TBC1D4: variants seen among roughly 807,000 people sequenced by gnomAD.
TBC1D4 encodes the protein TBC1 domain family member 4.
TBC1D4 carries 121 observed loss-of-function variants against 142.5 expected under a neutral mutation model. The observed-to-expected ratio is 0.85, with a 90% CI of 0.73 to 0.99. TBC1D4 has a LOEUF of 0.99. Among genes scored for constraint, TBC1D4 ranks in the 50% least tolerant of loss-of-function variants. The pLI is 0.00. For missense variants in TBC1D4, 1,475 were observed against 1,606.6 expected (o/e 0.92, Z 1.40); for synonymous variants, 630 against 628.2 (o/e 1.00, Z -0.04).
At chr13:75,301,733 T>A (rs1876579066) in intron 16 of TBC1D4, among the ~76,000 whole-genome samples, 1 of 152,146 alleles carries the variant, frequency 6.6e-6, no homozygotes, top group South Asian at 2.1e-4. Flanking sequence ...TTAGTGCAAC[T>A]AATGTTTCAC....
At chr13:75,398,399 GA>G (rs969516652) in intron 1 of TBC1D4, among the ~76,000 whole-genome samples, 25 of 152,320 alleles carry the variant, frequency 1.6e-4, no homozygotes, top group Admixed American at 1.3e-3. Flanking sequence ...TAGTGGGTCT[GA>G]AAGTGGGAGC....
chr13:75,385,526 C>T (rs1884115099), intron 1 of TBC1D4, among the ~76,000 whole-genome samples: 1 of 152,172 alleles, frequency 6.6e-6, no homozygotes, highest in Non-Finnish European at 1.5e-5. Flanking sequence ...TAAAAAGAGA[C>T]GCTGATAACA....
Position 75,362,493 on chromosome 13 carries a change from G to C in TBC1D4, c.613C>G (p.Leu205Val). Residue 205 changes from leucine (L) to valine (V), a missense_variant, in exon 2 of 21, where the codon CTG becomes GTG. Leu to Val is a conservative substitution (Grantham distance 32). This residue lies in a region of TBC1D4 where 1,227 missense variants were observed against 1,267.7 expected (regional missense o/e 0.97). Coordinates refer to ENST00000377636, the MANE Select transcript of TBC1D4 (RefSeq NM_014832.5). This position sits in a 1 kb window ranked among gnomAD's most constrained non-coding sequence, Gnocchi z 4.2. ...GTCACGGTCACCTTTCCACAGTACA[G>C]GACTTCGAACTTCTGAGAGTTGTAA... ...AFYNSQKFEV[L>V]YCGKVTVTHK... The C allele has an allele frequency of 6.2e-7, 1 of 1,614,212 alleles. No individual in the cohort carries two copies. Among genetic ancestry groups the C allele is most frequent in the Non-Finnish European group, 8.5e-7 (1 of 1,180,048 alleles).
At chr13:75,348,335 T>A (rs766225434) in intron 5 of TBC1D4, among the ~76,000 whole-genome samples, 1 of 152,224 alleles carries the variant, frequency 6.6e-6, no homozygotes, top group African/African-American at 2.4e-5. Flanking sequence ...ACTCTTCCCA[T>A]CTATTATAAC....
intron 1 of TBC1D4, among the ~76,000 whole-genome samples, chr13:75,382,956 G>T (rs543941466): frequency 1.3e-5 from 2 of 152,224 alleles, no homozygotes; most frequent in South Asian, 2.1e-4. Flanking sequence ...TATTTTAATT[G>T]GACAGCACTG....
chr13:75,459,537 G>C (rs1887877304), intron 1 of TBC1D4, among the ~76,000 whole-genome samples: 2 of 152,102 alleles, frequency 1.3e-5, no homozygotes, highest in Admixed American at 6.6e-5. Flanking sequence ...TAGCAGTTCA[G>C]TTTTAGTAGA....
rs1887411256 is a variant in TBC1D4 at position 75,448,913 on chromosome 13, GA to G, written c.498+32356del. ...GAAACCAGTCTTTGAAATTATAGCAGATTATGTGAAATTTTATAAAAGCTGC... is the reference window on the plus strand; with the variant it reads ...GAAACCAGTCTTTGAAATTATAGCAGTTATGTGAAATTTTATAAAAGCTGC... On this transcript the variant is annotated intron_variant, in intron 1 of 20. Coordinates refer to ENST00000377636, the MANE Select transcript of TBC1D4 (RefSeq NM_014832.5). Among the ~76,000 whole-genome samples the G allele has an allele frequency of 4.6e-5, 7 of 151,976 alleles. No individual in the cohort carries two copies. In the South Asian group the frequency reaches 1.5e-3, roughly 32 times the overall value.
intron 1 of TBC1D4, among the ~76,000 whole-genome samples, chr13:75,366,393 T>C (rs1015371416): frequency 1.3e-5 from 2 of 152,202 alleles, no homozygotes; most frequent in Non-Finnish European, 2.9e-5. Context: ...CCACATTCTG[T>C]GAGTTAATTT....
In TBC1D4 at chr13:75,482,048, G is replaced by A. The variant is rs1566524517; in HGVS notation, c.-281C>T. 5.6e-6 allele frequency: 2 copies of A among 355,828 alleles called. No homozygotes were observed. The highest frequency in any genetic ancestry group is 2.1e-5 in the African/African-American group (1 of 47,072). The allele number at this position is 355,828 out of a possible 1,614,324, so 22.0% of individuals were successfully genotyped here. ...CCTCCTTGGGCTGGCGCCTCGGGCAGGACCTCCCCTTCCTCCGTCGCGGGT... is the reference window on the plus strand; with the variant it reads ...CCTCCTTGGGCTGGCGCCTCGGGCAAGACCTCCCCTTCCTCCGTCGCGGGT... On this transcript the variant is annotated 5_prime_UTR_variant, in exon 1 of 21. Coordinates refer to ENST00000377636, the MANE Select transcript of TBC1D4 (RefSeq NM_014832.5).
chr13:75,354,474 T>C (rs1286286472), intron 4 of TBC1D4, among the ~76,000 whole-genome samples: 2 of 152,096 alleles, frequency 1.3e-5, no homozygotes, highest in Non-Finnish European at 2.9e-5. Context: ...TTTCAGTCAA[T>C]AGGATTTGAT....
intron 1 of TBC1D4, among the ~76,000 whole-genome samples, chr13:75,469,407 A>G (rs1290580960): frequency 1.3e-5 from 2 of 152,148 alleles, no homozygotes. Flanking sequence ...GCAGTATGAT[A>G]GTCCCAGCAA....
Position 75,292,239 on chromosome 13 carries a change from A to AT in TBC1D4, c.3348dup (p.Phe1117IlefsTer19). ...CTCAGTAGGCTGAGTGCAACCTTGA[A>AT]TATAACTTCAGTTCCCTGAAGAAAA... On this transcript the variant is annotated frameshift_variant, in exon 19 of 21. Transcript: ENST00000377636. LOFTEE classifies it high-confidence loss of function. The AT allele has an allele frequency of 6.2e-7, 1 of 1,613,132 alleles. No homozygotes were observed. Among genetic ancestry groups the AT allele is most frequent in the Non-Finnish European group, 8.5e-7 (1 of 1,179,540 alleles).
intron 1 of TBC1D4, among the ~76,000 whole-genome samples, chr13:75,476,425 C>A (rs1173322149): frequency 2.6e-5 from 4 of 152,148 alleles, no homozygotes; most frequent in Admixed American, 2.6e-4. Context: ...ACGTTTCTGA[C>A]GTTAAAACAC....
chr13:75,474,281 C>T (rs1255585003), intron 1 of TBC1D4, among the ~76,000 whole-genome samples: 1 of 152,158 alleles, frequency 6.6e-6, no homozygotes, highest in African/African-American at 2.4e-5. Context: ...GAAAACTGGC[C>T]GGGCACAGTG....
At chr13:75,287,208 T>C (rs3742143) in intron 20 of TBC1D4, among the ~76,000 whole-genome samples, 183 bp from the exon 21 acceptor site, 4 of 152,178 alleles carry the variant, frequency 2.6e-5, no homozygotes, top group Non-Finnish European at 5.9e-5. Flanking sequence ...GGAACTACCA[T>C]GCTTCATCTC....
At chr13:75,441,309 A>T (rs1236030204) in intron 1 of TBC1D4, among the ~76,000 whole-genome samples, 1 of 152,122 alleles carries the variant, frequency 6.6e-6, no homozygotes, top group Non-Finnish European at 1.5e-5. Context: ...GAAATATATG[A>T]AACTATAGAA....
chr13:75,390,149 G>A (rs951223961), intron 1 of TBC1D4, among the ~76,000 whole-genome samples: 19 of 151,700 alleles, frequency 1.3e-4, no homozygotes, highest in Non-Finnish European at 2.7e-4. Flanking sequence ...GCCTGGCGGC[G>A]GGCGCCTGTA....
rs781535249 is a variant in TBC1D4 at position 75,320,002 on chromosome 13, A to T, written c.2222+12T>A. ...ATTTTTTTTAAATAAAAATACGTAG[A>T]CCTCTAATCACCTTGATTCTGAAGC... is the stretch of plus-strand genomic sequence containing the variant. On this transcript the variant is annotated intron_variant, in intron 12 of 20. Transcript: ENST00000377636. The T allele has an allele frequency of 6.2e-7, 1 of 1,612,492 alleles. No homozygotes were observed. Among genetic ancestry groups the T allele is most frequent in the African/African-American group, 1.3e-5 (1 of 74,986 alleles).
chr13:75,298,770 C>T (rs996159851), intron 17 of TBC1D4, among the ~76,000 whole-genome samples: 1 of 152,060 alleles, frequency 6.6e-6, no homozygotes, highest in African/African-American at 2.4e-5. Context: ...CACACATACA[C>T]ACACACACAC....
Sources: gnomAD v4.1 joint callset for allele counts (sites outside exome capture counted in the v4.1 genomes callset) on GRCh38, gnomAD v4.1.1 for gene constraint, gnomAD v4.1.1 regional missense constraint, Gnocchi (gnomAD v3.1) non-coding constraint, MANE v1.5 for transcripts, NCBI Gene and HGNC (gene_info 2026-07-23, HGNC 2026-07-21) for gene names.